Variants in ATP1B1 observed in about 807,000 individuals in gnomAD.
ATP1B1 encodes the protein ATPase Na+/K+ transporting subunit beta 1, also known as sodium/potassium-transporting ATPase subunit beta-1.
A neutral mutation model predicts 39.6 loss-of-function variants in ATP1B1; 3 were observed. The ratio of observed to expected loss-of-function variants is 0.08; its 90% CI spans 0.03 to 0.20. The LOEUF (loss-of-function observed/expected upper bound fraction) is 0.20. ATP1B1 is among the 10% of genes least tolerant of loss of function. The pLI, the probability that ATP1B1 is intolerant of heterozygous loss-of-function variation, is 1.00. For missense variants in ATP1B1, 216 were observed against 371.1 expected (o/e 0.58, Z 3.43); for synonymous variants, 139 against 135.0 (o/e 1.03, Z -0.20).
At chr1:169,123,740 C>T (rs1188265184) in intron 2 of ATP1B1, among the ~76,000 whole-genome samples, 1 of 151,876 alleles carries the variant, frequency 6.6e-6, no homozygotes, top group Non-Finnish European at 1.5e-5. Context: ...GATTCTCCTG[C>T]CTCAGCCTCC....
intron 2 of ATP1B1, among the ~76,000 whole-genome samples, chr1:169,112,302 A>C (rs992602600): frequency 6.6e-6 from 1 of 152,258 alleles, no homozygotes; most frequent in Admixed American, 6.5e-5. Flanking sequence ...TGAAAGGCCC[A>C]TGGCCATCAT....
At chr1:169,128,597 A>G (rs2101793224) in intron 4 of ATP1B1, among the ~76,000 whole-genome samples, 1 of 152,314 alleles carries the variant, frequency 6.6e-6, no homozygotes, top group East Asian at 1.9e-4. Context: ...TAATGGAAGA[A>G]AAACGGTGAG....
At chr1:169,122,746 A>ATTTTTTTTT (rs753882699) in intron 2 of ATP1B1, among the ~76,000 whole-genome samples, 1 of 82,372 alleles carries the variant, frequency 1.2e-5, no homozygotes, top group African/African-American at 4.3e-5. Flanking sequence ...TTTCAGGATG[A>ATTTTTTTTT]TTTTTTTTTT....
In ATP1B1 at chr1:169,131,171, G is replaced by C; in HGVS notation, c.649-121G>C. The C allele has an allele frequency of 7.9e-7, 1 of 1,262,318 alleles. No individual in the cohort carries two copies. The highest frequency in any genetic ancestry group is 1.1e-6 in the Non-Finnish European group (1 of 900,056). The allele number at this position is 1,262,318 out of a possible 1,614,324, so 78.2% of individuals were successfully genotyped here. A position where few individuals can be genotyped will look rare whatever the true frequency, so the allele number is the denominator to read the frequency against. The stretch of plus-strand genomic sequence containing the variant: ...TCAAGGCTGCAATGGAATAGACTGA[G>C]TAGATGTTCTTTCCTCTCTCAGTAG... On this transcript the variant is annotated intron_variant, in intron 5 of 5. Transcript: ENST00000367815. The surrounding 1 kb of genome is among the most constrained non-coding windows in gnomAD (Gnocchi z 4.4).
intron 2 of ATP1B1, among the ~76,000 whole-genome samples, chr1:169,114,003 T>G (rs1463544413): frequency 1.3e-5 from 2 of 151,932 alleles, no homozygotes; most frequent in Non-Finnish European, 2.9e-5. Flanking sequence ...GACATTCATA[T>G]GAAAATGACA....
At chr1:169,112,704 C>T (rs1453983208) in intron 2 of ATP1B1, among the ~76,000 whole-genome samples, 1 of 152,068 alleles carries the variant, frequency 6.6e-6, no homozygotes, top group Non-Finnish European at 1.5e-5. Context: ...TAGTTCTCCA[C>T]TGTAAGAAAA....
intron 1 of ATP1B1, 143 bp downstream of exon 1, chr1:169,107,069 G>T (rs1657611190): frequency 1.4e-6 from 1 of 737,998 alleles, no homozygotes; most frequent in Non-Finnish European, 2.1e-6. Flanking sequence ...CTGCTGGGTC[G>T]CGCCGGCCTG....
In ATP1B1 at chr1:169,106,699, G is replaced by A; in HGVS notation, c.-131G>A. The A allele has an allele frequency of 1.7e-6, 1 of 603,438 alleles. No individual in the cohort carries two copies. Among genetic ancestry groups the A allele is most frequent in the Non-Finnish European group, 2.6e-6 (1 of 386,648 alleles). The allele number at this position is 603,438 out of a possible 1,614,324, so 37.4% of individuals were successfully genotyped here. ...CCGCCGCGCGTCTCGCACTCCGAGA[G>A]CCGCAGCGGCAGCGGCGCGTCCTGC... On this transcript the variant is annotated 5_prime_UTR_variant, in exon 1 of 6. Coordinates refer to ENST00000367815, the MANE Select transcript of ATP1B1 (RefSeq NM_001677.4).
chr1:169,130,222 T>A, intron 5 of ATP1B1, 132 bp downstream of exon 5: 2 of 761,650 alleles, frequency 2.6e-6, no homozygotes, highest in Non-Finnish European at 4.2e-6. Context: ...CAAGTATAAG[T>A]CTCAGTGAGA....
At chr1:169,130,647 C>T (rs749902036) in intron 5 of ATP1B1, among the ~76,000 whole-genome samples, 15 of 151,814 alleles carry the variant, frequency 9.9e-5, no homozygotes, top group Non-Finnish European at 2.1e-4. Context: ...ATTAGCTGGG[C>T]GTGGCGGCGC....
At chr1:169,125,984 AAAAC>A (rs1252836040) in intron 3 of ATP1B1, among the ~76,000 whole-genome samples, 5 of 152,194 alleles carry the variant, frequency 3.3e-5, no homozygotes, top group South Asian at 2.1e-4. Context: ...CAAAAACGTT[AAAAC>A]AAACAAACAA....
chr1:169,120,966 G>A (rs975918321), intron 2 of ATP1B1, among the ~76,000 whole-genome samples: 3 of 39,604 alleles, frequency 7.6e-5, no homozygotes, highest in African/African-American at 2.5e-4. Context: ...TTTTTTTTTT[G>A]AGACAGAGTC....
At chr1:169,118,453 CAGA>C (rs1657902453) in intron 2 of ATP1B1, among the ~76,000 whole-genome samples, 1 of 152,144 alleles carries the variant, frequency 6.6e-6, no homozygotes, top group African/African-American at 2.4e-5. Context: ...GAGCTGGAGG[CAGA>C]AGGTGAGTCA....
intron 1 of ATP1B1, chr1:169,110,468 CA>C (rs1325697185): frequency 5.6e-6 from 1 of 180,152 alleles, no homozygotes; most frequent in Non-Finnish European, 1.1e-5. Flanking sequence ...GACTGCCAGG[CA>C]ATGCCTAGTA....
At chr1:169,125,156 A>G in intron 3 of ATP1B1, 117 bp downstream of exon 3, 1 of 1,317,516 alleles carries the variant, frequency 7.6e-7, no homozygotes, top group South Asian at 1.6e-5. Flanking sequence ...GAAAGATTGA[A>G]CTCTGGCCAT....
intron 3 of ATP1B1, 53 bp downstream of exon 3, chr1:169,125,092 T>G: frequency 1.3e-6 from 2 of 1,517,870 alleles, no homozygotes; most frequent in Non-Finnish European, 8.8e-7. Flanking sequence ...TCTTTAACTC[T>G]TATTTCCCAC....
chr1:169,114,593 C>T (rs1310385423), intron 2 of ATP1B1, among the ~76,000 whole-genome samples: 1 of 152,104 alleles, frequency 6.6e-6, no homozygotes, highest in African/African-American at 2.4e-5. Context: ...ATTGGATAAA[C>T]TGAGAGGCCA....
intron 1 of ATP1B1, chr1:169,110,615 T>C: frequency 8.5e-7 from 1 of 1,179,446 alleles, no homozygotes. Flanking sequence ...GCCTCCATCC[T>C]GTTGTCTTGT....
intron 2 of ATP1B1, among the ~76,000 whole-genome samples, chr1:169,120,289 A>ACC (rs1271662993): frequency 1.3e-5 from 2 of 152,040 alleles, no homozygotes; most frequent in Admixed American, 6.6e-5. Context: ...CATGACCTAA[A>ACC]CCCAGACCAT....
Sources: allele counts gnomAD v4.1 joint callset (sites outside exome capture counted in the v4.1 genomes callset), GRCh38; gene constraint gnomAD v4.1.1; non-coding constraint Gnocchi (gnomAD v3.1); transcripts MANE v1.5; gene names NCBI Gene and HGNC (gene_info 2026-07-23, HGNC 2026-07-21).